The following SFT2D1 variants were observed in gnomAD, a reference collection of about 807,000 sequenced individuals.
SFT2D1 encodes vesicle transport protein SFT2A.
A neutral mutation model predicts 28.1 loss-of-function variants in SFT2D1; 24 were observed. The observed-to-expected ratio is 0.85, with a 90% CI of 0.62 to 1.20. The LOEUF is 1.20. Ranked by LOEUF, SFT2D1 falls within the 50% of genes most tolerant of loss-of-function variation. The probability of loss-of-function intolerance (pLI) is 0.00; values close to 1 mark genes in which losing one functional copy is unlikely to be tolerated. For missense variants in SFT2D1, 181 were observed against 190.9 expected, an observed-to-expected ratio of 0.95 and a Z score of 0.31; for synonymous variants, 82 against 73.7, an observed-to-expected ratio of 1.11 and a Z score of -0.58.
Position 166,329,553 on chromosome 6 carries a change from G to C in SFT2D1, c.187C>G (p.Leu63Val). 3 of 1,609,964 alleles carry C rather than the reference G, an allele frequency of 1.9e-6. No homozygotes were observed. The highest frequency in any genetic ancestry group is 2.2e-5 in the East Asian group (1 of 44,870). ...GLLWLPGGIK[L>V]FAVFYTLGNL... ...CCGAGGGTATAAAACACTGCAAAAA[G>C]CTTTATGCCGCCCGGAAGCCACAGC... The change falls in exon 3 of 8, where the codon CTT becomes GTT. Residue 63 changes from leucine to valine, a missense_variant. Leu to Val is a conservative substitution (Grantham distance 32, BLOSUM62 1). Transcript: ENST00000361731.
chr6:166,336,333 T>G (rs1778650439), intron 1 of SFT2D1, among the ~76,000 whole-genome samples: 1 of 152,220 alleles, frequency 6.6e-6, no homozygotes, highest in Admixed American at 6.5e-5. Flanking sequence ...CACAGAATTA[T>G]TAGTTATAAA....
intron 3 of SFT2D1, among the ~76,000 whole-genome samples, chr6:166,328,865 T>C (rs910841466): frequency 1.3e-5 from 2 of 152,218 alleles, no homozygotes; most frequent in Non-Finnish European, 2.9e-5. Context: ...AACCCAAAGA[T>C]GCGACAAAGA....
intron 1 of SFT2D1, among the ~76,000 whole-genome samples, chr6:166,333,966 CCA>C (rs1469291134): frequency 2.6e-5 from 4 of 152,166 alleles, no homozygotes; most frequent in African/African-American, 7.2e-5. Flanking sequence ...TTCCTGGTTC[CCA>C]CAGAGCTGAG....
At chr6:166,337,492 C>T (rs1017382287) in intron 1 of SFT2D1, among the ~76,000 whole-genome samples, 11 of 152,226 alleles carry the variant, frequency 7.2e-5, no homozygotes, top group Non-Finnish European at 1.3e-4. Flanking sequence ...CCTCCCGCCT[C>T]GCCAGCTGCT....
Position 166,329,559 on chromosome 6 carries a change from T to A in SFT2D1, c.181A>T (p.Ile61Leu), listed in dbSNP as rs1336523078. The change falls in exon 3 of 8, where the codon ATA (isoleucine) becomes TTA (leucine). Residue 61 changes from isoleucine (I) to leucine (L), a missense_variant. Coordinates refer to ENST00000361731, the MANE Select transcript of SFT2D1 (RefSeq NM_145169.3). ...GTGLLWLPGG[I>L]KLFAVFYTLG... ...GTATAAAACACTGCAAAAAGCTTTA[T>A]GCCGCCCGGAAGCCACAGCAATCCA... The A allele has an allele frequency of 6.2e-7, 1 of 1,609,684 alleles. No homozygotes were observed. Among genetic ancestry groups the A allele is most frequent in the East Asian group, 2.2e-5 (1 of 44,868 alleles).
rs914114287 is a variant in SFT2D1 at position 166,321,465 on chromosome 6, A to G, written c.441-1209T>C. On this transcript the variant is annotated intron_variant, in intron 7 of 7. Coordinates refer to ENST00000361731, the MANE Select transcript of SFT2D1 (RefSeq NM_145169.3). ...GAAGTATTGGAGGTCTCCTTGCTCT[A>G]AAGTTCCTATGCATGGTAAATTACC... is the stretch of plus-strand genomic sequence containing the variant. 2.0e-5 allele frequency among the ~76,000 whole-genome samples: 3 copies of G among 152,074 alleles called. No individual in the cohort carries two copies. The South Asian group carries it at 6.2e-4, about 32-fold the overall frequency.
intron 1 of SFT2D1, among the ~76,000 whole-genome samples, chr6:166,341,169 G>T (rs1325520742): frequency 6.6e-6 from 1 of 152,068 alleles, no homozygotes; most frequent in African/African-American, 2.4e-5. Context: ...AATTGCTCCA[G>T]GCGCAGTGGC....
At chr6:166,324,320 C>T in intron 6 of SFT2D1, 1 of 471,940 alleles carries the variant, frequency 2.1e-6, no homozygotes. Flanking sequence ...CTATGTAACT[C>T]TACGAGCACA....
At chr6:166,324,406 T>A (rs1434124076) in intron 6 of SFT2D1, 131 bp downstream of exon 6, 1 of 758,720 alleles carries the variant, frequency 1.3e-6, no homozygotes. Context: ...AGACCTCCCC[T>A]CCTCTGACCC....
chr6:166,332,370 T>A (rs187907175), intron 1 of SFT2D1, among the ~76,000 whole-genome samples: 36 of 152,278 alleles, frequency 2.4e-4, no homozygotes, highest in Admixed American at 2.4e-3. Flanking sequence ...TTCTCCTACC[T>A]CAGTCTCCCA....
intron 5 of SFT2D1, 72 bp from the exon 6 acceptor site, chr6:166,324,667 T>C: frequency 7.2e-7 from 1 of 1,391,466 alleles, no homozygotes; most frequent in Non-Finnish European, 9.9e-7. Flanking sequence ...CAAACTTAAT[T>C]CTTGTCTTTC....
intron 1 of SFT2D1, among the ~76,000 whole-genome samples, chr6:166,333,934 A>G (rs1778597665): frequency 6.6e-6 from 1 of 152,054 alleles, no homozygotes; most frequent in Non-Finnish European, 1.5e-5. Context: ...ACACCAACTA[A>G]GAACACCCAT....
chr6:166,325,180 A>G (rs975204059), intron 5 of SFT2D1, among the ~76,000 whole-genome samples: 5 of 152,194 alleles, frequency 3.3e-5, no homozygotes, highest in Non-Finnish European at 7.3e-5. Flanking sequence ...TCAAGGTTCT[A>G]TAGAGAGGTG....
intron 1 of SFT2D1, among the ~76,000 whole-genome samples, chr6:166,341,788 C>T (rs1330522554): frequency 6.6e-6 from 1 of 151,136 alleles, no homozygotes; most frequent in African/African-American, 2.4e-5. Context: ...TAACCCTTAT[C>T]AAGTCTCGCT....
chr6:166,320,799 G>A (rs911572429), intron 7 of SFT2D1, among the ~76,000 whole-genome samples: 7 of 151,980 alleles, frequency 4.6e-5, no homozygotes, highest in African/African-American at 2.4e-5. Flanking sequence ...TTACAGGGAT[G>A]AGCCACCAAG....
chr6:166,330,278 A>G (rs1487181444), intron 1 of SFT2D1, 31 bp from the exon 2 acceptor site: 9 of 1,402,144 alleles, frequency 6.4e-6, no homozygotes, highest in African/African-American at 1.4e-5. Context: ...TTTAGAATAT[A>G]GTCTTAATTC....
chr6:166,323,382 T>C (rs1778390897), intron 6 of SFT2D1: 1 of 152,344 alleles, frequency 6.6e-6, no homozygotes, highest in African/African-American at 2.4e-5. Flanking sequence ...CATTCACTGA[T>C]GTTTCATCTG....
chr6:166,325,164 C>G (rs1778420626), intron 5 of SFT2D1, among the ~76,000 whole-genome samples: 1 of 151,856 alleles, frequency 6.6e-6, no homozygotes, highest in Non-Finnish European at 1.5e-5. Flanking sequence ...ATTCCAAAAC[C>G]AAAAATCAAG....
At chr6:166,334,061 ATG>A (rs1432946439) in intron 1 of SFT2D1, among the ~76,000 whole-genome samples, 1 of 152,204 alleles carries the variant, frequency 6.6e-6, no homozygotes, top group Non-Finnish European at 1.5e-5. Context: ...TCTAGTGAAC[ATG>A]TTCTCACTCT....
Sources: gnomAD v4.1 joint callset for allele counts (sites outside exome capture counted in the v4.1 genomes callset) on GRCh38, gnomAD v4.1.1 for gene constraint, MANE v1.5 for transcripts, NCBI Gene and HGNC (gene_info 2026-07-23, HGNC 2026-07-21) for gene names.